The following PTPRD variants were observed in gnomAD, a reference collection of about 807,000 sequenced individuals.
PTPRD encodes protein tyrosine phosphatase receptor type D, also known as receptor-type tyrosine-protein phosphatase delta.
A neutral mutation model predicts 214.5 loss-of-function variants in PTPRD; 34 were observed. That is an observed-to-expected ratio of 0.16 (90% CI 0.12 to 0.21). PTPRD has a LOEUF of 0.21. PTPRD is among the 10% of genes least tolerant of loss of function. The probability of loss-of-function intolerance (pLI) is 1.00; values close to 1 mark genes in which losing one functional copy is unlikely to be tolerated. For missense variants in PTPRD, 2,545 were observed against 2,398.7 expected, an observed-to-expected ratio of 1.06 and a Z score of -1.27; for synonymous variants, 1,128 against 845.7, an observed-to-expected ratio of 1.33 and a Z score of -5.79.
intron 3 of PTPRD, among the ~76,000 whole-genome samples, chr9:10,207,319 A>G (rs1471571492): frequency 1.3e-5 from 2 of 152,038 alleles, no homozygotes; most frequent in African/African-American, 2.4e-5. Context: ...ATGGTTTTGT[A>G]TATATCAACA....
intron 5 of PTPRD, among the ~76,000 whole-genome samples, chr9:9,825,333 A>C (rs2052378732): frequency 6.6e-6 from 1 of 151,820 alleles, no homozygotes; most frequent in South Asian, 2.1e-4. Context: ...AGAGAGAGAG[A>C]AAGAGACAAA....
At chr9:9,773,450 A>G (rs1597393063) in intron 5 of PTPRD, among the ~76,000 whole-genome samples, 1 of 152,174 alleles carries the variant, frequency 6.6e-6, no homozygotes, top group African/African-American at 2.4e-5. Flanking sequence ...ATGACATCCA[A>G]TTAAAACTTC....
At chr9:9,713,527 T>C (rs1259604392) in intron 7 of PTPRD, among the ~76,000 whole-genome samples, 1 of 152,168 alleles carries the variant, frequency 6.6e-6, no homozygotes, top group African/African-American at 2.4e-5. Context: ...GTGCAAACTA[T>C]AGGGTTCAAA....
At chr9:9,131,054 AT>A (rs1409623822) in intron 10 of PTPRD, among the ~76,000 whole-genome samples, 2 of 152,146 alleles carry the variant, frequency 1.3e-5, no homozygotes, top group Admixed American at 6.5e-5. Context: ...CTTTTGTAGG[AT>A]GGAAAAGTCT....
At chr9:8,708,692 A>AC (rs1415611720) in intron 12 of PTPRD, among the ~76,000 whole-genome samples, 1 of 147,550 alleles carries the variant, frequency 6.8e-6, no homozygotes, top group Non-Finnish European at 1.5e-5. Context: ...AAAAAAAAAA[A>AC]AAAAAAAAAA....
chr9:8,781,686 G>C lies in PTPRD; in HGVS notation c.-103-47740C>G, dbSNP rs901530004. On this transcript the variant is annotated intron_variant, in intron 11 of 45. Transcript: ENST00000381196. ...TTTAATGAAATGAAATGAATTCCAA[G>C]GCTCTCTGAATCTTAATCAGACTGT... 3.9e-5 allele frequency among the ~76,000 whole-genome samples: 6 copies of C among 152,066 alleles called. No individual in the cohort carries two copies. In the East Asian group the frequency reaches 7.8e-4, roughly 20 times the overall value.
chr9:8,421,572 C>T (rs1375731576), intron 35 of PTPRD, among the ~76,000 whole-genome samples: 4 of 152,242 alleles, frequency 2.6e-5, no homozygotes, highest in African/African-American at 7.2e-5. Context: ...AACAGCGAAT[C>T]AAATCTGCCA....
At chr9:9,548,308 A>G (rs559804523) in intron 8 of PTPRD, among the ~76,000 whole-genome samples, 11 of 152,188 alleles carry the variant, frequency 7.2e-5, no homozygotes, top group African/African-American at 2.4e-4. Context: ...AAAAGAGACT[A>G]AAAATGTAAG....
chr9:9,518,417 A>G (rs1272368392), intron 8 of PTPRD, among the ~76,000 whole-genome samples: 2 of 152,120 alleles, frequency 1.3e-5, no homozygotes, highest in African/African-American at 2.4e-5. Flanking sequence ...ATAGATGTAG[A>G]TGTGTAGGAG....
intron 2 of PTPRD, among the ~76,000 whole-genome samples, chr9:10,441,401 G>T (rs1224624389): frequency 2.0e-5 from 3 of 151,544 alleles, no homozygotes; most frequent in Admixed American, 2.0e-4. Flanking sequence ...AAAGTGCCAG[G>T]TTCTTTCATG....
intron 3 of PTPRD, among the ~76,000 whole-genome samples, chr9:10,257,954 A>T (rs918841402): frequency 3.3e-5 from 5 of 152,294 alleles, no homozygotes; most frequent in Admixed American, 6.5e-5. Flanking sequence ...GGTGTGTGTT[A>T]TGTGCAAAAA....
chr9:10,185,821 T>C (rs1359664936), intron 3 of PTPRD, among the ~76,000 whole-genome samples: 1 of 151,804 alleles, frequency 6.6e-6, no homozygotes, highest in Admixed American at 6.6e-5. Flanking sequence ...GGAAGCATCA[T>C]AACATTCTAT....
intron 5 of PTPRD, among the ~76,000 whole-genome samples, chr9:9,820,703 C>T (rs116367673): frequency 0.018 from 2,721 of 152,152 alleles, 70 homozygotes; most frequent in African/African-American, 0.062. Context: ...CTACATGTGG[C>T]TAACCAGTAT....
At chr9:10,003,447 G>C (rs1376386526) in intron 4 of PTPRD, among the ~76,000 whole-genome samples, 1 of 151,714 alleles carries the variant, frequency 6.6e-6, no homozygotes, top group Non-Finnish European at 1.5e-5. Flanking sequence ...GATGAATTAA[G>C]ATTGAATATA....
chr9:9,760,409 G>T (rs1021523509), intron 6 of PTPRD, among the ~76,000 whole-genome samples: 1 of 151,986 alleles, frequency 6.6e-6, no homozygotes, highest in Non-Finnish European at 1.5e-5. Flanking sequence ...GAATTTCAAG[G>T]AGACACAAGG....
chr9:10,302,973 A>C (rs1166221008), intron 3 of PTPRD, among the ~76,000 whole-genome samples: 1 of 152,212 alleles, frequency 6.6e-6, no homozygotes, highest in Non-Finnish European at 1.5e-5. Context: ...TCTCAGCACC[A>C]CATCACACTT....
chr9:9,895,558 C>A (rs2074724778), intron 5 of PTPRD, among the ~76,000 whole-genome samples: 1 of 151,948 alleles, frequency 6.6e-6, no homozygotes, highest in Non-Finnish European at 1.5e-5. Context: ...GAAGTAGGGA[C>A]TACAATGGTG....
rs71319226 is a variant in PTPRD, at chr9:9,486,150, CAAAAAAAAAAAAAAAA to C, written c.-237+88566_-237+88581del. ...TGGGCAACAGAGCAAGACTCTCTCT[CAAAAAAAAAAAAAAAA>C]AAAAAAAAAAAAAAAAAAAGCCTTC... On this transcript the variant is annotated intron_variant, in intron 8 of 45. Coordinates refer to ENST00000381196, the MANE Select transcript of PTPRD (RefSeq NM_002839.4). Among the ~76,000 whole-genome samples the C allele has an allele frequency of 5.0e-4, 15 of 30,164 alleles. No individual in the cohort carries two copies. The East Asian group carries it at 6.6e-3, about 13-fold the overall frequency. The allele number at this position is 30,164 out of a possible 152,430, so 19.8% of individuals were successfully genotyped here.
chr9:9,895,914 T>C lies in PTPRD; in HGVS notation c.-368+42593A>G, dbSNP rs186483969. Among the ~76,000 whole-genome samples, 11 of 152,098 alleles carry C rather than the reference T, an allele frequency of 7.2e-5. No individual in the cohort carries two copies. In the East Asian group the frequency reaches 2.1e-3, roughly 29 times the overall value. ...GAATAAAGTCATTTTTCATTTATAA[T>C]GGAAAGTCTTTCTTGAGGTTATATG... On this transcript the variant is annotated intron_variant, in intron 5 of 45. Transcript: ENST00000381196.
Sources: allele counts gnomAD v4.1 joint callset (sites outside exome capture counted in the v4.1 genomes callset), GRCh38; gene constraint gnomAD v4.1.1; transcripts MANE v1.5; gene names NCBI Gene and HGNC (gene_info 2026-07-23, HGNC 2026-07-21).